The following GAB2 variants were observed in gnomAD, a reference collection of about 807,000 sequenced individuals.
The protein encoded by GAB2 is GRB2-associated-binding protein 2.
GAB2 carries 26 observed loss-of-function variants against 65.5 expected under a neutral mutation model. The ratio of observed to expected loss-of-function variants is 0.40; its 90% CI spans 0.29 to 0.55. The LOEUF is 0.55. Among genes scored for constraint, GAB2 ranks in the 20% least tolerant of loss-of-function variants. The pLI, the probability that GAB2 is intolerant of heterozygous loss-of-function variation, is 0.53. For missense variants in GAB2, 884 were observed against 875.8 expected (o/e 1.01, Z -0.12); for synonymous variants, 321 against 329.6 (o/e 0.97, Z 0.28).
At position 78,292,143 on chromosome 11, in the gene GAB2, A is replaced by G. The variant is rs567332479; in HGVS notation, c.76-11242T>C. The stretch of plus-strand genomic sequence containing the variant: ...TATACCCGCCTAACAGGTTTAAATT[A>G]TAGGTATCACCCAGTAACCTCAGTT... On this transcript the variant is annotated intron_variant, in intron 1 of 9. Coordinates refer to ENST00000361507, the MANE Select transcript of GAB2 (RefSeq NM_080491.3). Among the ~76,000 whole-genome samples, 30 of 152,344 alleles carry G rather than the reference A, an allele frequency of 2.0e-4. No homozygotes were observed. The South Asian group carries it at 6.2e-3, about 32-fold the overall frequency.
In GAB2 at chr11:78,226,713, G is replaced by T. The variant is rs752597583; in HGVS notation, c.959C>A (p.Pro320Gln). Residue 320 changes from proline to glutamine, a missense_variant, in exon 4 of 10, where the codon CCA becomes CAA. Coordinates refer to ENST00000361507, the MANE Select transcript of GAB2 (RefSeq NM_080491.3). The stretch of plus-strand genomic sequence containing the variant: ...CCTAGGGATCTGGTAGGCTGAGAGT[G>T]GGGTGGCCGGAACATCCATATTGTC... Reference protein sequence around the residue: ...LVDNMDVPATPLSAYQIPRTF... With the variant: ...LVDNMDVPATQLSAYQIPRTF... The T allele has an allele frequency of 1.2e-6, 2 of 1,613,850 alleles. No individual in the cohort carries two copies. Among genetic ancestry groups the T allele is most frequent in the Non-Finnish European group, 1.7e-6 (2 of 1,179,816 alleles).
chr11:78,280,955 C>T, intron 1 of GAB2, 54 bp from the exon 2 acceptor site: 10 of 1,476,102 alleles, frequency 6.8e-6, no homozygotes, highest in Non-Finnish European at 9.4e-6. Flanking sequence ...TTAGTTATTT[C>T]AAAGCTTTTT....
At chr11:78,377,018 C>T (rs763075430) in intron 1 of GAB2, among the ~76,000 whole-genome samples, 5 of 152,182 alleles carry the variant, frequency 3.3e-5, no homozygotes, top group South Asian at 2.1e-4. Context: ...CCCCTGCTTT[C>T]GCTGTGTGAT....
At chr11:78,387,955 G>T (rs2134746036) in intron 1 of GAB2, 1 of 152,232 alleles carries the variant, frequency 6.6e-6, no homozygotes, top group Middle Eastern at 3.4e-3. Context: ...AAAAGTGAAG[G>T]TTAACTAATA....
intron 8 of GAB2, 45 bp from the exon 9 acceptor site, chr11:78,220,489 C>T (rs1590936211): frequency 1.3e-6 from 2 of 1,523,332 alleles, no homozygotes; most frequent in East Asian, 4.7e-5. Context: ...AGAAAACAGA[C>T]TAACCCACCA....
chr11:78,343,472 A>C (rs1856132916), intron 1 of GAB2, among the ~76,000 whole-genome samples: 1 of 152,258 alleles, frequency 6.6e-6, no homozygotes, highest in African/African-American at 2.4e-5. Flanking sequence ...GAATAAGGGC[A>C]AAAAGACAGA....
intron 1 of GAB2, among the ~76,000 whole-genome samples, chr11:78,390,132 C>T (rs907937797): frequency 4.6e-5 from 7 of 152,238 alleles, no homozygotes; most frequent in Admixed American, 6.5e-5. Flanking sequence ...ATTCAGTTAA[C>T]AAAAAACCTT....
At position 78,220,337 on chromosome 11, in the gene GAB2, G is replaced by C. The variant is rs766871586; in HGVS notation, c.1869C>G (p.Ser623=). The C allele has an allele frequency of 6.2e-7, 1 of 1,612,674 alleles. No homozygotes were observed. The highest frequency in any genetic ancestry group is 8.5e-7 in the Non-Finnish European group (1 of 1,179,710). The change falls in exon 9 of 10, where the codon TCC becomes TCG. Residue 623 remains serine (S), a synonymous_variant. Transcript: ENST00000361507. ...CAGGCACCTTGCGGTGGGGGCTTGGGGAGCTCGGCTGGAAGTCCAGGGCCA... is the reference window on the plus strand; with the variant it reads ...CAGGCACCTTGCGGTGGGGGCTTGGCGAGCTCGGCTGGAAGTCCAGGGCCA... ...DYLALDFQPS[S]PSPHRKPSTS... is the part of the protein sequence containing the mutation.
chr11:78,288,659 C>G (rs1018606853), intron 1 of GAB2, among the ~76,000 whole-genome samples: 2 of 152,020 alleles, frequency 1.3e-5, no homozygotes, highest in Admixed American at 6.6e-5. Context: ...AAAAGCTATA[C>G]AAAGCTAATG....
chr11:78,290,242 G>A (rs962200664), intron 1 of GAB2, among the ~76,000 whole-genome samples: 3 of 152,130 alleles, frequency 2.0e-5, no homozygotes. Flanking sequence ...CTTAACAGTG[G>A]GGCTTAAAGA....
chr11:78,356,985 A>G (rs1390788770), intron 1 of GAB2, among the ~76,000 whole-genome samples: 1 of 152,194 alleles, frequency 6.6e-6, no homozygotes, highest in Non-Finnish European at 1.5e-5. Flanking sequence ...GTTGCCAGGG[A>G]TTAGGGGTTG....
intron 1 of GAB2, among the ~76,000 whole-genome samples, chr11:78,306,436 T>C (rs1855360697): frequency 6.6e-6 from 1 of 152,208 alleles, no homozygotes; most frequent in Non-Finnish European, 1.5e-5. Flanking sequence ...TTCACCATGT[T>C]GCCCAGGCTG....
At chr11:78,244,118 T>G in intron 3 of GAB2, among the ~76,000 whole-genome samples, 1 of 152,134 alleles carries the variant, frequency 6.6e-6, no homozygotes, top group East Asian at 1.9e-4. Flanking sequence ...GGCTCACATC[T>G]GTAATCCCAG....
chr11:78,286,562 G>A (rs1866489899), intron 1 of GAB2, among the ~76,000 whole-genome samples: 1 of 152,000 alleles, frequency 6.6e-6, no homozygotes, highest in Admixed American at 6.6e-5. Context: ...AACACATATA[G>A]GAGCTCAGGG....
intron 1 of GAB2, among the ~76,000 whole-genome samples, chr11:78,339,587 T>C (rs755173944): frequency 1.3e-5 from 2 of 152,218 alleles, no homozygotes; most frequent in Non-Finnish European, 2.9e-5. Flanking sequence ...TGACAGCTGT[T>C]AAGGTTCTCA....
chr11:78,339,047 C>T (rs772999360), intron 1 of GAB2, among the ~76,000 whole-genome samples: 8 of 152,010 alleles, frequency 5.3e-5, no homozygotes, highest in South Asian at 4.2e-4. Context: ...GTCAACCTCC[C>T]GAGTAACTGG....
intron 1 of GAB2, among the ~76,000 whole-genome samples, chr11:78,375,826 A>G (rs1322108126): frequency 6.6e-6 from 1 of 152,176 alleles, no homozygotes; most frequent in East Asian, 1.9e-4. Flanking sequence ...CTCCTCACAG[A>G]GGAAACTATA....
chr11:78,300,525 A>AAAAAAC lies in GAB2; in HGVS notation c.76-19625_76-19624insGTTTTT, dbSNP rs1554985523. ...TCTACGTTTAATTTTATAAAAAAACAAAAAAACAAAAAACTACCACATTGT... is the reference window on the plus strand; with the variant it reads ...TCTACGTTTAATTTTATAAAAAAACAAAAAACAAAAAACAAAAAACTACCACATTGT... On this transcript the variant is annotated intron_variant, in intron 1 of 9. Transcript: ENST00000361507. Among the ~76,000 whole-genome samples the AAAAAAC allele has an allele frequency of 9.6e-3, 1,308 of 136,532 alleles. 27 individuals carry two copies. The highest frequency in any genetic ancestry group is 0.039 in the African/African-American group (1,242 of 31,676). 89.6% of individuals were successfully genotyped at this position (136,532 alleles called of 152,430 possible).
intron 2 of GAB2, among the ~76,000 whole-genome samples, chr11:78,278,566 C>A (rs555368527): frequency 1.5e-5 from 2 of 136,736 alleles, no homozygotes; most frequent in Admixed American, 7.4e-5. Flanking sequence ...TTAGTAGAGA[C>A]GGGTTTTCAC....
Sources: allele counts gnomAD v4.1 joint callset (sites outside exome capture counted in the v4.1 genomes callset), GRCh38; gene constraint gnomAD v4.1.1; transcripts MANE v1.5; gene names NCBI Gene and HGNC (gene_info 2026-07-23, HGNC 2026-07-21).